LRRTM3: variants seen among roughly 807,000 people sequenced by gnomAD.
LRRTM3 encodes leucine-rich repeat transmembrane neuronal protein 3.
Under a neutral mutation model 44.7 loss-of-function variants are expected in LRRTM3, and 24 were observed. That is an observed-to-expected ratio of 0.54 (90% CI 0.39 to 0.76). LRRTM3 has a LOEUF of 0.76. Ranked by LOEUF, LRRTM3 falls within the 30% of genes least tolerant of loss-of-function variation. The pLI is 0.00. For synonymous variants in LRRTM3, 277 were observed against 278.7 expected, an observed-to-expected ratio of 0.99 and a Z score of 0.06; for missense variants, 587 against 702.2, an observed-to-expected ratio of 0.84 and a Z score of 1.85.
rs1847191369 is a variant in LRRTM3, at chr10:66,928,369, C to T, written c.1453C>T (p.Pro485Ser). The T allele has an allele frequency of 6.2e-7, 1 of 1,614,126 alleles. No homozygotes were observed. The highest frequency in any genetic ancestry group is 8.5e-7 in the Non-Finnish European group (1 of 1,180,024). ...CCAGGAATTTTATGTAGATTATAAA[C>T]CCACCAACACGGAGACCAGCGAGAT... The part of the protein sequence containing the change: ...STQEFYVDYK[P>S]TNTETSEMLL... Residue 485 changes from proline (P) to serine (S), a missense_variant, in exon 2 of 3, where the codon CCC becomes TCC. By Grantham distance (74) the Pro-to-Ser change is moderately conservative. This residue lies in a region of LRRTM3 where 315 missense variants were observed against 335.6 expected (regional missense o/e 0.94). Coordinates refer to ENST00000361320, the MANE Select transcript of LRRTM3 (RefSeq NM_178011.5).
At chr10:67,035,546 C>G (rs1853995983) in intron 2 of LRRTM3, among the ~76,000 whole-genome samples, 1 of 151,982 alleles carries the variant, frequency 6.6e-6, no homozygotes, top group South Asian at 2.1e-4. Flanking sequence ...TCAGTAAATT[C>G]TAACTCGGAG....
intron 2 of LRRTM3, among the ~76,000 whole-genome samples, chr10:66,955,627 A>G (rs1352451001): frequency 2.0e-5 from 3 of 152,180 alleles, no homozygotes; most frequent in Non-Finnish European, 4.4e-5. Context: ...ATATATGGAT[A>G]GACACACGAC....
In LRRTM3 at chr10:66,927,029, G is replaced by A; in HGVS notation, c.113G>A (p.Cys38Tyr). 1 of 1,614,156 alleles carries A rather than the reference G, an allele frequency of 6.2e-7. No homozygotes were observed. The highest frequency in any genetic ancestry group is 8.5e-7 in the Non-Finnish European group (1 of 1,180,022). Residue 38 changes from cysteine to tyrosine, a missense_variant, in exon 2 of 3, where the codon TGT becomes TAT. Coordinates refer to ENST00000361320, the MANE Select transcript of LRRTM3 (RefSeq NM_178011.5). This position sits in a 1 kb window ranked among gnomAD's most constrained non-coding sequence, Gnocchi z 4.7. ...SSAERGCPKG[C>Y]RCEGKMVYCE... ...GCCGAACGAGGATGCCCTAAGGGCTGTAGGTGTGAAGGCAAAATGGTATAT... is the reference window on the plus strand; with the variant it reads ...GCCGAACGAGGATGCCCTAAGGGCTATAGGTGTGAAGGCAAAATGGTATAT...
chr10:67,001,296 T>C (rs1468238737), intron 2 of LRRTM3, among the ~76,000 whole-genome samples: 2 of 135,902 alleles, frequency 1.5e-5, no homozygotes, highest in Non-Finnish European at 3.1e-5. Context: ...TGAGACTCTG[T>C]CTAAAAAAAA....
At chr10:67,087,289 T>G (rs1857360010) in intron 2 of LRRTM3, among the ~76,000 whole-genome samples, 1 of 151,978 alleles carries the variant, frequency 6.6e-6, no homozygotes, top group African/African-American at 2.4e-5. Flanking sequence ...GAAAAGCTAA[T>G]TTGGCAGCTG....
intron 2 of LRRTM3, among the ~76,000 whole-genome samples, chr10:66,962,319 G>A (rs1447697968): frequency 1.3e-5 from 2 of 151,964 alleles, no homozygotes; most frequent in African/African-American, 4.8e-5. Flanking sequence ...CATGGTCTCC[G>A]TACTTACACC....
At position 66,983,129 on chromosome 10, in the gene LRRTM3, T is replaced by G. The variant is rs189460860; in HGVS notation, c.1536+54677T>G. On this transcript the variant is annotated intron_variant, in intron 2 of 2. Transcript: ENST00000361320. Reference sequence around the variant, plus strand: ...ATTGATTTCACAAAGTCAGCAGGACTTAAAAACTAATGAGCAAATTTTTTT... The same window carrying G: ...ATTGATTTCACAAAGTCAGCAGGACGTAAAAACTAATGAGCAAATTTTTTT... Among the ~76,000 whole-genome samples, 5 of 152,342 alleles carry G rather than the reference T, an allele frequency of 3.3e-5. No homozygotes were observed. The East Asian group carries it at 9.6e-4, about 29-fold the overall frequency.
chr10:67,086,605 T>G (rs1461937213), intron 2 of LRRTM3, among the ~76,000 whole-genome samples: 1 of 151,918 alleles, frequency 6.6e-6, no homozygotes, highest in African/African-American at 2.4e-5. Context: ...GAAGACTACA[T>G]CAATATAGTA....
chr10:67,097,468 C>T, intron 2 of LRRTM3, 119 bp from the exon 3 acceptor site: 1 of 800,560 alleles, frequency 1.2e-6, no homozygotes, highest in South Asian at 1.6e-5. Context: ...GACACCTGGG[C>T]CACAGGGCCA....
chr10:66,964,548 C>A (rs1477974404), intron 2 of LRRTM3, among the ~76,000 whole-genome samples: 1 of 152,112 alleles, frequency 6.6e-6, no homozygotes, highest in African/African-American at 2.4e-5. Flanking sequence ...GGAGAAACCT[C>A]ACTTTAGACC....
At chr10:67,010,881 G>A (rs1264838211) in intron 2 of LRRTM3, among the ~76,000 whole-genome samples, 2 of 151,850 alleles carry the variant, frequency 1.3e-5, no homozygotes, top group African/African-American at 4.8e-5. Context: ...ACTCCTTTAT[G>A]GTTAACATTA....
chr10:66,996,935 G>T (rs982963194), intron 2 of LRRTM3, among the ~76,000 whole-genome samples: 1 of 152,024 alleles, frequency 6.6e-6, no homozygotes, highest in Non-Finnish European at 1.5e-5. Context: ...CTACTGGTTT[G>T]TGACATTAAA....
At chr10:67,088,754 CA>C (rs938853982) in intron 2 of LRRTM3, among the ~76,000 whole-genome samples, 1 of 151,786 alleles carries the variant, frequency 6.6e-6, no homozygotes, top group Non-Finnish European at 1.5e-5. Context: ...TATGTTCCTG[CA>C]AAAAATATTT....
intron 2 of LRRTM3, among the ~76,000 whole-genome samples, chr10:67,053,508 T>C (rs7904053): frequency 0.56 from 84,765 of 151,952 alleles, 24,041 homozygotes; most frequent in East Asian, 0.78. Context: ...ATGCATATCA[T>C]TTGAAGAAGC....
intron 2 of LRRTM3, among the ~76,000 whole-genome samples, chr10:66,992,337 T>A (rs1380727436): frequency 6.6e-6 from 1 of 152,150 alleles, no homozygotes; most frequent in South Asian, 2.1e-4. Context: ...ACTGTTTATA[T>A]CCTTTGCCTA....
intron 2 of LRRTM3, among the ~76,000 whole-genome samples, chr10:66,969,270 T>G (rs971007963): frequency 6.6e-6 from 1 of 152,138 alleles, no homozygotes; most frequent in Non-Finnish European, 1.5e-5. Flanking sequence ...TGATACTGTA[T>G]ATCAATTTTA....
chr10:67,014,735 A>G (rs186417591), intron 2 of LRRTM3, among the ~76,000 whole-genome samples: 1 of 152,178 alleles, frequency 6.6e-6, no homozygotes, highest in Admixed American at 6.5e-5. Context: ...GAAGTTTCAG[A>G]AAGTTTCACT....
intron 2 of LRRTM3, among the ~76,000 whole-genome samples, chr10:66,961,477 C>A (rs746347120): frequency 1.1e-4 from 16 of 152,140 alleles, no homozygotes; most frequent in Non-Finnish European, 2.2e-4. Flanking sequence ...GATTTTCTTC[C>A]AACCTCACTG....
chr10:67,048,208 T>C (rs2133173984), intron 2 of LRRTM3, among the ~76,000 whole-genome samples: 2 of 152,196 alleles, frequency 1.3e-5, no homozygotes, highest in East Asian at 3.9e-4. Context: ...AGGATTAACC[T>C]GGAAGACCCT....
Sources: allele counts gnomAD v4.1 joint callset (sites outside exome capture counted in the v4.1 genomes callset), GRCh38; gene constraint gnomAD v4.1.1; regional missense constraint gnomAD v4.1.1; non-coding constraint Gnocchi (gnomAD v3.1); transcripts MANE v1.5; gene names NCBI Gene and HGNC (gene_info 2026-07-23, HGNC 2026-07-21).